Variants in CNTN4 observed in about 807,000 individuals in gnomAD.
The protein encoded by CNTN4 is contactin-4.
In CNTN4, 77 loss-of-function variants were observed where a neutral mutation model predicts 122.5. The ratio of observed to expected loss-of-function variants is 0.63; its 90% CI spans 0.52 to 0.76. CNTN4 has a LOEUF of 0.76. Among genes scored for constraint, CNTN4 ranks in the 30% least tolerant of loss-of-function variants. CNTN4 has a pLI of 0.00. For missense variants in CNTN4, 1,256 were observed against 1,259.1 expected (o/e 1.00, Z 0.04); for synonymous variants, 512 against 447.0 (o/e 1.15, Z -1.83).
intron 3 of CNTN4, among the ~76,000 whole-genome samples, chr3:2,479,127 C>G (rs1017390950): frequency 2.6e-5 from 4 of 152,194 alleles, no homozygotes; most frequent in African/African-American, 7.2e-5. Context: ...TCAACCATTT[C>G]AATAATATTT....
rs2086966818 is a variant in CNTN4, at chr3:2,709,367, T to C, written c.56-26848T>C. On this transcript the variant is annotated intron_variant, in intron 4 of 24. Coordinates refer to ENST00000418658, the MANE Select transcript of CNTN4 (RefSeq NM_175607.3). The surrounding 1 kb of genome is among the most constrained non-coding windows in gnomAD (Gnocchi z 5.0). Reference sequence around the variant, plus strand: ...TCCTTAAAAAATACTGATGCGTAGGTCTCACGCCTGGTTAGGATTTGATTG... The same window carrying C: ...TCCTTAAAAAATACTGATGCGTAGGCCTCACGCCTGGTTAGGATTTGATTG... Among the ~76,000 whole-genome samples the C allele has an allele frequency of 6.6e-6, 1 of 152,096 alleles. No individual in the cohort carries two copies. The highest frequency in any genetic ancestry group is 1.5e-5 in the Non-Finnish European group (1 of 68,026).
At chr3:2,932,949 A>T (rs1344703110) in intron 13 of CNTN4, among the ~76,000 whole-genome samples, 1 of 151,966 alleles carries the variant, frequency 6.6e-6, no homozygotes, top group South Asian at 2.1e-4. Context: ...CAGCCTCCCG[A>T]GTAGCTGGGA....
chr3:2,733,868 G>A (rs6791026), intron 4 of CNTN4, among the ~76,000 whole-genome samples: 30 of 151,874 alleles, frequency 2.0e-4, no homozygotes, highest in African/African-American at 6.0e-4. Context: ...ATTTTATTTT[G>A]TGTGCTTTCA....
intron 3 of CNTN4, among the ~76,000 whole-genome samples, chr3:2,458,052 A>G (rs1048391193): frequency 6.6e-6 from 1 of 152,094 alleles, no homozygotes; most frequent in African/African-American, 2.4e-5. Flanking sequence ...CCACAGCTTC[A>G]TTTGCATGGA....
At chr3:2,490,202 T>TC (rs2076277280) in intron 3 of CNTN4, among the ~76,000 whole-genome samples, 1 of 152,114 alleles carries the variant, frequency 6.6e-6, no homozygotes. Flanking sequence ...CAGGGGCTTT[T>TC]CCCCTTGAAA....
intron 4 of CNTN4, among the ~76,000 whole-genome samples, chr3:2,624,207 C>T (rs748703872): frequency 1.2e-4 from 19 of 152,122 alleles, no homozygotes; most frequent in Non-Finnish European, 2.4e-4. Flanking sequence ...TTATTTTATG[C>T]ACTAGAAAAT....
rs138903706 is a variant in CNTN4 at position 2,385,917 on chromosome 3, A to C, written c.-89+46684A>C. The stretch of plus-strand genomic sequence containing the variant: ...ATGTTCCATCAATATTTGATAAATG[A>C]ATGAATACATGCATTCTCACTCAGC... On this transcript the variant is annotated intron_variant, in intron 3 of 24. Coordinates refer to ENST00000418658, the MANE Select transcript of CNTN4 (RefSeq NM_175607.3). The surrounding 1 kb of genome is among the most constrained non-coding windows in gnomAD (Gnocchi z 4.0). Among the ~76,000 whole-genome samples the C allele has an allele frequency of 3.1e-4, 47 of 152,208 alleles. No individual in the cohort carries two copies. The highest frequency in any genetic ancestry group is 6.5e-4 in the Non-Finnish European group (44 of 68,022).
intron 2 of CNTN4, among the ~76,000 whole-genome samples, chr3:2,185,979 G>A (rs546055036): frequency 4.0e-5 from 6 of 151,546 alleles, no homozygotes; most frequent in African/African-American, 9.7e-5. Context: ...TGTGCACAAC[G>A]TGCAGGTTTA....
intron 3 of CNTN4, among the ~76,000 whole-genome samples, chr3:2,505,119 T>C (rs933493675): frequency 6.6e-6 from 1 of 152,188 alleles, no homozygotes; most frequent in African/African-American, 2.4e-5. Context: ...GTTGTGGAGA[T>C]GAATGTTGTG....
intron 3 of CNTN4, among the ~76,000 whole-genome samples, chr3:2,419,634 T>A (rs1559535966): frequency 6.6e-6 from 1 of 152,158 alleles, no homozygotes; most frequent in African/African-American, 2.4e-5. Context: ...AAAATGAAAT[T>A]TTCAACCAGT....
chr3:2,835,129 T>C (rs542311077), intron 7 of CNTN4, among the ~76,000 whole-genome samples: 14 of 151,744 alleles, frequency 9.2e-5, no homozygotes, highest in African/African-American at 3.4e-4. Flanking sequence ...ATGGTCTCGA[T>C]CTCCTGATCT....
chr3:2,375,674 C>G (rs1469858038), intron 3 of CNTN4, among the ~76,000 whole-genome samples: 4 of 152,194 alleles, frequency 2.6e-5, no homozygotes, highest in Non-Finnish European at 5.9e-5. Context: ...CATCTCTAAA[C>G]TAAAATGATT....
chr3:2,611,309 A>AAAAAAAAAAAAAAAAAAAAC (rs2081478161), intron 4 of CNTN4, among the ~76,000 whole-genome samples: 1 of 138,086 alleles, frequency 7.2e-6, no homozygotes, highest in African/African-American at 2.8e-5. Flanking sequence ...AAAAAAAAAA[A>AAAAAAAAAAAAAAAAAAAAC]AAAGAAAGAA....
intron 16 of CNTN4, among the ~76,000 whole-genome samples, chr3:3,031,234 G>A (rs941517759): frequency 2.6e-5 from 4 of 152,120 alleles, no homozygotes; most frequent in Non-Finnish European, 5.9e-5. Flanking sequence ...ACCCGATTAC[G>A]GCTGTTGGAG....
intron 2 of CNTN4, among the ~76,000 whole-genome samples, chr3:2,235,433 A>T (rs1297292783): frequency 1.3e-5 from 2 of 152,156 alleles, no homozygotes; most frequent in African/African-American, 2.4e-5. Context: ...ATATTTAAAA[A>T]TTTTGACATT....
At chr3:2,433,287 C>T (rs2048143675) in intron 3 of CNTN4, among the ~76,000 whole-genome samples, 1 of 152,228 alleles carries the variant, frequency 6.6e-6, no homozygotes, top group Non-Finnish European at 1.5e-5. Context: ...CCTTTCTCCA[C>T]ACCTTTGCCA....
intron 3 of CNTN4, among the ~76,000 whole-genome samples, chr3:2,369,155 C>A (rs1307781905): frequency 6.6e-6 from 1 of 151,954 alleles, no homozygotes; most frequent in Non-Finnish European, 1.5e-5. Context: ...GAACTCCTGA[C>A]CTCGTGATCT....
chr3:2,115,142 C>A (rs371330922), intron 2 of CNTN4, among the ~76,000 whole-genome samples: 2 of 152,286 alleles, frequency 1.3e-5, no homozygotes, highest in East Asian at 3.9e-4. Flanking sequence ...GTACATCATG[C>A]AGGCATGTGA....
At position 2,896,873 on chromosome 3, in the gene CNTN4, C is replaced by T. The variant is rs73005471; in HGVS notation, c.941-3812C>T. Among the ~76,000 whole-genome samples, 647 of 151,502 alleles carry T rather than the reference C, an allele frequency of 4.3e-3. 2 individuals carry two copies. Among genetic ancestry groups the T allele is most frequent in the Non-Finnish European group, 6.3e-3 (425 of 67,936 alleles). ...GATTCATCTTCTCCAAAATTGTGTC[C>T]GCAACCAGAAATAACTGTGAATGTC... On this transcript the variant is annotated intron_variant, in intron 10 of 24. Transcript: ENST00000418658.
Sources: gnomAD v4.1 joint callset for allele counts (sites outside exome capture counted in the v4.1 genomes callset) on GRCh38, gnomAD v4.1.1 for gene constraint, Gnocchi (gnomAD v3.1) non-coding constraint, MANE v1.5 for transcripts, NCBI Gene and HGNC (gene_info 2026-07-23, HGNC 2026-07-21) for gene names.